Variants in CFAP70 observed in about 807,000 individuals in gnomAD.
CFAP70 encodes the protein cilia and flagella associated protein 70.
CFAP70 carries 81 observed loss-of-function variants against 137.6 expected under a neutral mutation model. The observed-to-expected ratio is 0.59, with a 90% CI of 0.49 to 0.71. The LOEUF (loss-of-function observed/expected upper bound fraction) is 0.71. CFAP70 is among the 30% of genes least tolerant of loss of function. The pLI, the probability that CFAP70 is intolerant of heterozygous loss-of-function variation, is 0.00. For synonymous variants in CFAP70, 382 were observed against 423.6 expected, an observed-to-expected ratio of 0.90 and a Z score of 1.20; for missense variants, 976 against 1,226.7, an observed-to-expected ratio of 0.80 and a Z score of 3.05.
intron 9 of CFAP70, among the ~76,000 whole-genome samples, chr10:73,317,340 GT>G (rs537939825): frequency 1.6e-3 from 245 of 152,266 alleles, no homozygotes; most frequent in African/African-American, 5.7e-3. Context: ...TTGGTTGGTA[GT>G]TTTTGTGTAT....
chr10:73,322,894 TA>T, intron 9 of CFAP70, 68 bp downstream of exon 10: 1 of 1,392,012 alleles, frequency 7.2e-7, no homozygotes, highest in South Asian at 1.6e-5. Flanking sequence ...ATGTATATGC[TA>T]AAGATGTAAG....
intron 26 of CFAP70, among the ~76,000 whole-genome samples, chr10:73,255,187 A>G (rs1488563008): frequency 6.6e-6 from 1 of 152,196 alleles, no homozygotes; most frequent in Non-Finnish European, 1.5e-5. Flanking sequence ...TCACAAGGTC[A>G]GGAGATCAAG....
At chr10:73,282,652 C>T (rs181076495) in intron 19 of CFAP70, among the ~76,000 whole-genome samples, 16 of 151,960 alleles carry the variant, frequency 1.1e-4, no homozygotes, top group African/African-American at 2.4e-4. Flanking sequence ...CTGCCTCCCT[C>T]GGCCTCCCAA....
At chr10:73,284,750 A>T (rs1455113041) in intron 19 of CFAP70, among the ~76,000 whole-genome samples, 1 of 8,478 alleles carries the variant, frequency 1.2e-4, no homozygotes, top group Non-Finnish European at 2.2e-4. Flanking sequence ...ATATATATAT[A>T]TATATATATA....
chr10:73,261,689 A>G (rs2045211167), intron 25 of CFAP70, among the ~76,000 whole-genome samples: 1 of 152,110 alleles, frequency 6.6e-6, no homozygotes, highest in African/African-American at 2.4e-5. Flanking sequence ...GCCAAAATAT[A>G]TCAGATGGGG....
At chr10:73,307,989 C>CAAA (rs371058579) in intron 12 of CFAP70, among the ~76,000 whole-genome samples, 2 of 80,044 alleles carry the variant, frequency 2.5e-5, no homozygotes, top group Non-Finnish European at 6.3e-5. Context: ...TACTAAAATA[C>CAAA]AAAAAAAAAA....
rs56896753 is a variant in CFAP70 at position 73,316,463 on chromosome 10, GAT to G, written c.913-3822_913-3821del. The stretch of plus-strand genomic sequence containing the variant: ...ATATCCCATTTAATTCCTTTGTTGA[GAT>G]ATATATATATATATAGATATAGATA... On this transcript the variant is annotated intron_variant, in intron 9 of 26. Coordinates refer to ENST00000310715, the Ensembl canonical transcript of CFAP70. Among the ~76,000 whole-genome samples, 561 of 128,094 alleles carry G rather than the reference GAT, an allele frequency of 4.4e-3. 1 individual carries two copies. Among genetic ancestry groups the G allele is most frequent in the East Asian group, 0.015 (62 of 4,214 alleles). 84.0% of individuals were successfully genotyped at this position (128,094 alleles called of 152,430 possible).
chr10:73,313,684 A>G (rs1385168672), intron 9 of CFAP70, among the ~76,000 whole-genome samples: 1 of 152,066 alleles, frequency 6.6e-6, no homozygotes, highest in Non-Finnish European at 1.5e-5. Flanking sequence ...CTCTACTAAA[A>G]ATACAAAAAT....
At chr10:73,273,886 A>G (rs2046496765) in intron 23 of CFAP70, among the ~76,000 whole-genome samples, 1 of 152,216 alleles carries the variant, frequency 6.6e-6, no homozygotes, top group Admixed American at 6.5e-5. Flanking sequence ...TGATGGGTCC[A>G]TGGTGTTTCA....
intron 19 of CFAP70, among the ~76,000 whole-genome samples, chr10:73,284,409 G>C: frequency 6.6e-6 from 1 of 151,942 alleles, no homozygotes. Flanking sequence ...CATTTGCAAA[G>C]TCTCTTTTGC....
chr10:73,295,588 A>T (rs2048493720), intron 15 of CFAP70: 1 of 152,204 alleles, frequency 6.6e-6, no homozygotes, highest in East Asian at 1.9e-4. Flanking sequence ...CTTATTGTCA[A>T]ATCCAGTGAA....
chr10:73,312,283 T>C (rs1283219008), intron 10 of CFAP70, among the ~76,000 whole-genome samples, 190 bp downstream of exon 11: 1 of 152,080 alleles, frequency 6.6e-6, no homozygotes, highest in Non-Finnish European at 1.5e-5. Flanking sequence ...GGTTGACAGG[T>C]GCAGCAAACC....
intron 12 of CFAP70, among the ~76,000 whole-genome samples, chr10:73,307,195 C>A (rs757852763): frequency 7.3e-5 from 11 of 151,276 alleles, no homozygotes; most frequent in South Asian, 2.1e-4. Flanking sequence ...ATTACTAAGA[C>A]AACAACTAAA....
chr10:73,291,497 A>C (rs1282621305), intron 18 of CFAP70, 53 bp from the exon 20 acceptor site: 12 of 1,549,514 alleles, frequency 7.7e-6, no homozygotes, highest in Non-Finnish European at 1.1e-5. Context: ...ACTATCATAT[A>C]CTAAAGAATT....
intron 12 of CFAP70, among the ~76,000 whole-genome samples, chr10:73,301,783 T>C (rs763041873): frequency 3.9e-5 from 6 of 152,160 alleles, no homozygotes; most frequent in Non-Finnish European, 8.8e-5. Flanking sequence ...TAAGTTCACA[T>C]CGGACAGGTA....
chr10:73,356,354 A>C (rs1429649888), intron 1 of CFAP70, among the ~76,000 whole-genome samples: 1 of 151,722 alleles, frequency 6.6e-6, no homozygotes, highest in Admixed American at 6.6e-5. Flanking sequence ...ATGCGCCACC[A>C]CGCCCAGCTA....
intron 8 of CFAP70, among the ~76,000 whole-genome samples, chr10:73,328,867 T>C (rs1246650670): frequency 2.7e-5 from 4 of 150,210 alleles, no homozygotes; most frequent in East Asian, 2.0e-4. Context: ...TGTGGAGAAA[T>C]AGGAACACTT....
At chr10:73,358,999 T>A (rs2054892536), upstream of CFAP70, 1 of 152,238 alleles carries the variant, frequency 6.6e-6, no homozygotes, top group South Asian at 2.1e-4. Context: ...ACTCTTTGAT[T>A]TCAATATTTC....
At chr10:73,320,774 TCTC>T (rs1306909238) in intron 9 of CFAP70, among the ~76,000 whole-genome samples, 1 of 151,630 alleles carries the variant, frequency 6.6e-6, no homozygotes, top group African/African-American at 2.4e-5. Context: ...TTCGAGCAAT[TCTC>T]CTGCCTCAGC....
Sources: gnomAD v4.1 joint callset for allele counts (sites outside exome capture counted in the v4.1 genomes callset) on GRCh38, gnomAD v4.1.1 for gene constraint, MANE v1.5 for transcripts, NCBI Gene and HGNC (gene_info 2026-07-23, HGNC 2026-07-21) for gene names.